The following IL1RAPL1 variants were observed in gnomAD, a reference collection of about 807,000 sequenced individuals.
IL1RAPL1 encodes the protein interleukin 1 receptor accessory protein like 1.
IL1RAPL1 carries 3 observed loss-of-function variants against 48.4 expected under a neutral mutation model. That is an observed-to-expected ratio of 0.06 (90% CI 0.03 to 0.16). The LOEUF is 0.16. Ranked by LOEUF, IL1RAPL1 falls within the 10% of genes least tolerant of loss-of-function variation. The pLI is 1.00. For synonymous variants in IL1RAPL1, 185 were observed against 187.7 expected (o/e 0.99, Z 0.12); for missense variants, 349 against 530.6 (o/e 0.66, Z 3.36).
intron 1 of IL1RAPL1, among the ~76,000 whole-genome samples, chrX:28,718,985 G>T (rs952786480): frequency 1.8e-5 from 2 of 111,695 alleles, no homozygotes; most frequent in African/African-American, 6.5e-5. Context: ...GCAGAGAACA[G>T]TCTGCAAATA....
At chrX:29,122,396 TTCTCTCTC>T (rs1297656764) in intron 2 of IL1RAPL1, among the ~76,000 whole-genome samples, 2 of 71,345 alleles carry the variant, frequency 2.8e-5, no homozygotes, top group African/African-American at 5.8e-5. Flanking sequence ...CTCTCTCTCT[TTCTCTCTC>T]TCTCTCACAC....
chrX:29,373,866 A>ATTTTTTTTT (rs1933579571), intron 3 of IL1RAPL1, among the ~76,000 whole-genome samples: 1 of 23,496 alleles, frequency 4.3e-5, no homozygotes, highest in Non-Finnish European at 9.1e-5. Context: ...CTCTCTTTTT[A>ATTTTTTTTT]ATTTTTTTTT....
intron 2 of IL1RAPL1, among the ~76,000 whole-genome samples, chrX:29,138,534 G>A (rs1206686331): frequency 9.1e-6 from 1 of 110,327 alleles, no homozygotes; most frequent in African/African-American, 3.3e-5. Context: ...TTGGGAGGCC[G>A]AGGTGGGTGG....
intron 2 of IL1RAPL1, among the ~76,000 whole-genome samples, chrX:28,847,512 A>G (rs995843145): frequency 9.0e-6 from 1 of 111,394 alleles, no homozygotes; most frequent in Admixed American, 9.6e-5. Context: ...GTTGCTCACA[A>G]GGTTCTCATG....
At chrX:28,662,341 G>A (rs755234417) in intron 1 of IL1RAPL1, among the ~76,000 whole-genome samples, 2 of 111,702 alleles carry the variant, frequency 1.8e-5, no homozygotes, top group South Asian at 3.7e-4. Flanking sequence ...CCTTCAGGTA[G>A]CAATGTTGAA....
intron 2 of IL1RAPL1, among the ~76,000 whole-genome samples, chrX:29,177,733 A>G (rs1037435855): frequency 9.0e-6 from 1 of 111,117 alleles, no homozygotes; most frequent in Non-Finnish European, 1.9e-5. Flanking sequence ...TCCTAATGCT[A>G]TCCCTCCCCC....
chrX:29,814,161 C>T (rs953377115), intron 6 of IL1RAPL1, among the ~76,000 whole-genome samples: 1 of 112,113 alleles, frequency 8.9e-6, no homozygotes, highest in African/African-American at 3.2e-5. Flanking sequence ...TTTGACAAAT[C>T]ACCAAACTGC....
chrX:28,834,717 A>G (rs754120804), intron 2 of IL1RAPL1, among the ~76,000 whole-genome samples: 1 of 111,737 alleles, frequency 8.9e-6, no homozygotes, highest in African/African-American at 3.2e-5. Context: ...TTTGTAAAGT[A>G]GGTAAATTAC....
At chrX:29,870,361 T>TC (rs773045231) in intron 6 of IL1RAPL1, among the ~76,000 whole-genome samples, 1 of 112,043 alleles carries the variant, frequency 8.9e-6, no homozygotes, top group Non-Finnish European at 1.9e-5. Context: ...CTAGGCTCAA[T>TC]CACAGCAGTG....
chrX:28,640,917 A>AACATTTAT (rs1268332438), intron 1 of IL1RAPL1, among the ~76,000 whole-genome samples: 4 of 110,522 alleles, frequency 3.6e-5, no homozygotes, highest in African/African-American at 1.3e-4. Context: ...AACAACAACA[A>AACATTTAT]ACATTTATCA....
At chrX:28,629,396 C>T (rs774308718) in intron 1 of IL1RAPL1, among the ~76,000 whole-genome samples, 4 of 111,537 alleles carry the variant, frequency 3.6e-5, no homozygotes, top group South Asian at 3.8e-4. Context: ...TCTAAGTGGA[C>T]GATTGGGTGG....
At chrX:28,624,075 T>A (rs1023894802) in intron 1 of IL1RAPL1, among the ~76,000 whole-genome samples, 1 of 112,146 alleles carries the variant, frequency 8.9e-6, no homozygotes, top group Non-Finnish European at 1.9e-5. Context: ...ATTTTTCAAA[T>A]GTGCACGTCA....
At chrX:29,514,530 C>CCT (rs1935425584) in intron 5 of IL1RAPL1, among the ~76,000 whole-genome samples, 1 of 112,563 alleles carries the variant, frequency 8.9e-6, no homozygotes, top group Non-Finnish European at 1.9e-5. Context: ...CTCACTGCAA[C>CCT]CTCTGCCTCC....
At chrX:28,778,252 G>A (rs896740823) in intron 1 of IL1RAPL1, among the ~76,000 whole-genome samples, 6 of 111,903 alleles carry the variant, frequency 5.4e-5, no homozygotes, top group Non-Finnish European at 3.8e-5. Flanking sequence ...CCTTTTTCTT[G>A]AGAATTGCAA....
intron 5 of IL1RAPL1, among the ~76,000 whole-genome samples, chrX:29,480,674 G>T (rs984839867): frequency 5.4e-5 from 6 of 110,687 alleles, no homozygotes; most frequent in Admixed American, 1.9e-4. Context: ...TAAACACAAA[G>T]AAGTAAAAAT....
Position 28,789,435 on chromosome X carries a change from A to C in IL1RAPL1, c.82+10A>C, listed in dbSNP as rs1377443381. ...ACCAAAAGAGGCTCCGGTAAGCAGTATTCCTCTATTTTTTATGTGTTTTTA... is the reference window on the plus strand; with the variant it reads ...ACCAAAAGAGGCTCCGGTAAGCAGTCTTCCTCTATTTTTTATGTGTTTTTA... On this transcript the variant is annotated intron_variant, in intron 2 of 10. Transcript: ENST00000378993. 8.7e-7 allele frequency: 1 copy of C among 1,153,372 alleles called. No individual in the cohort carries two copies. Among genetic ancestry groups the C allele is most frequent in the South Asian group, 1.8e-5 (1 of 55,619 alleles).
chrX:28,656,809 G>A (rs928716811), intron 1 of IL1RAPL1, among the ~76,000 whole-genome samples: 1 of 110,093 alleles, frequency 9.1e-6, no homozygotes, highest in African/African-American at 3.3e-5. Context: ...GGAGGATCAC[G>A]AGGTCAGGAG....
At chrX:29,412,625 A>G (rs1172436983) in intron 5 of IL1RAPL1, among the ~76,000 whole-genome samples, 1 of 111,812 alleles carries the variant, frequency 8.9e-6, no homozygotes, top group Non-Finnish European at 1.9e-5. Context: ...TTTTAATTGT[A>G]TATGTAGTTC....
chrX:29,639,867 G>A, intron 5 of IL1RAPL1, among the ~76,000 whole-genome samples: 1 of 111,662 alleles, frequency 9.0e-6, no homozygotes, highest in South Asian at 3.8e-4. Context: ...GGGTCTTAAG[G>A]CAGGAAGTAT....
Sources: allele counts gnomAD v4.1 joint callset (sites outside exome capture counted in the v4.1 genomes callset), GRCh38; gene constraint gnomAD v4.1.1; transcripts MANE v1.5; gene names NCBI Gene and HGNC (gene_info 2026-07-23, HGNC 2026-07-21).